The following SOX5 variants were observed in gnomAD, a reference collection of about 807,000 sequenced individuals.
SOX5 encodes the protein SRY-box transcription factor 5.
SOX5 carries 9 observed loss-of-function variants against 92.0 expected under a neutral mutation model. The observed-to-expected ratio is 0.10, with a 90% CI of 0.06 to 0.17. The LOEUF is 0.17. Ranked by LOEUF, SOX5 falls within the 10% of genes least tolerant of loss-of-function variation. SOX5 has a pLI of 1.00. For synonymous variants in SOX5, 344 were observed against 336.3 expected (o/e 1.02, Z -0.25); for missense variants, 642 against 944.5 (o/e 0.68, Z 4.20).
At chr12:24,322,558 A>T (rs545489125) in intron 2 of SOX5, among the ~76,000 whole-genome samples, 1 of 152,202 alleles carries the variant, frequency 6.6e-6, no homozygotes, top group East Asian at 1.9e-4. Context: ...GCTGACCTAA[A>T]TTTTCTTTCC....
intron 2 of SOX5, among the ~76,000 whole-genome samples, chr12:24,312,584 T>C (rs1377956498): frequency 6.6e-6 from 1 of 152,208 alleles, no homozygotes; most frequent in Non-Finnish European, 1.5e-5. Context: ...GCTTGGCACA[T>C]AGTAGTTGCT....
intron 1 of SOX5, among the ~76,000 whole-genome samples, chr12:24,453,748 A>C (rs1942643596): frequency 6.6e-6 from 1 of 152,218 alleles, no homozygotes; most frequent in South Asian, 2.1e-4. Flanking sequence ...CAATTAAAGG[A>C]AACTAACTGG....
At chr12:24,436,410 T>TA (rs373585079) in intron 1 of SOX5, among the ~76,000 whole-genome samples, 6 of 152,002 alleles carry the variant, frequency 3.9e-5, no homozygotes, top group East Asian at 3.9e-4. Flanking sequence ...GTGGTCCGGA[T>TA]AAAAAAAATC....
intron 3 of SOX5, among the ~76,000 whole-genome samples, chr12:23,797,968 G>A (rs1295504340): frequency 6.6e-6 from 1 of 151,708 alleles, no homozygotes; most frequent in East Asian, 1.9e-4. Context: ...CTCTTAACTG[G>A]AATGATCGTC....
intron 4 of SOX5, among the ~76,000 whole-genome samples, chr12:23,982,115 A>C (rs1949629236): frequency 1.3e-5 from 2 of 152,208 alleles, no homozygotes; most frequent in Non-Finnish European, 2.9e-5. Flanking sequence ...ACGAACGAAC[A>C]TTTGAACCTG....
At chr12:23,743,908 T>C (rs1019651388) in intron 4 of SOX5, among the ~76,000 whole-genome samples, 7 of 152,254 alleles carry the variant, frequency 4.6e-5, no homozygotes, top group Non-Finnish European at 8.8e-5. Context: ...TTAACAAATA[T>C]CATTTTGTCA....
intron 3 of SOX5, among the ~76,000 whole-genome samples, chr12:23,758,287 T>C (rs2141277583): frequency 6.6e-6 from 1 of 152,032 alleles, no homozygotes; most frequent in Non-Finnish European, 1.5e-5. Context: ...AACATCCATG[T>C]TACGGGTTTA....
At chr12:23,991,508 A>C (rs1237090760) in intron 4 of SOX5, among the ~76,000 whole-genome samples, 2 of 151,956 alleles carry the variant, frequency 1.3e-5, no homozygotes, top group African/African-American at 4.8e-5. Flanking sequence ...ATTACCAAAA[A>C]TTTTAAAATA....
intron 4 of SOX5, among the ~76,000 whole-genome samples, chr12:23,742,675 C>T (rs971483543): frequency 4.6e-5 from 7 of 152,132 alleles, no homozygotes; most frequent in Non-Finnish European, 5.9e-5. Flanking sequence ...GCATAACCTA[C>T]GAAGGATAAT....
intron 11 of SOX5, among the ~76,000 whole-genome samples, chr12:23,557,728 C>A (rs1002123094): frequency 6.6e-6 from 1 of 152,116 alleles, no homozygotes; most frequent in African/African-American, 2.4e-5. Flanking sequence ...GTCATCCCAG[C>A]GCTTTGGGAG....
intron 4 of SOX5, among the ~76,000 whole-genome samples, chr12:24,184,013 C>T (rs1955776576): frequency 6.6e-6 from 1 of 152,138 alleles, no homozygotes. Context: ...TATATAATTT[C>T]ATGCTATCTG....
chr12:24,154,459 G>A (rs567332651), intron 4 of SOX5, among the ~76,000 whole-genome samples: 3 of 152,248 alleles, frequency 2.0e-5, no homozygotes, highest in Non-Finnish European at 4.4e-5. Flanking sequence ...CTTCCTCATT[G>A]CTATATGGAA....
intron 4 of SOX5, among the ~76,000 whole-genome samples, chr12:24,008,941 G>A (rs1416794869): frequency 1.3e-5 from 2 of 152,168 alleles, no homozygotes; most frequent in Non-Finnish European, 2.9e-5. Flanking sequence ...AATACATCTT[G>A]CAGCTTTTAC....
chr12:23,738,473 C>T (rs575362266), intron 5 of SOX5: 24 of 152,270 alleles, frequency 1.6e-4, no homozygotes, highest in African/African-American at 5.5e-4. Context: ...TTCTCTCAGG[C>T]TGTGGAGGCA....
At chr12:24,221,431 T>G (rs545792989) in intron 3 of SOX5, among the ~76,000 whole-genome samples, 2 of 152,366 alleles carry the variant, frequency 1.3e-5, no homozygotes, top group African/African-American at 4.8e-5. Flanking sequence ...AAATACTTAG[T>G]AGATGAATAA....
At position 23,900,888 on chromosome 12, in the gene SOX5, A is replaced by T. The variant is rs146929293; in HGVS notation, c.39-4864T>A. 3.1e-3 allele frequency among the ~76,000 whole-genome samples: 471 copies of T among 152,232 alleles called. 2 individuals are homozygous for T. Among genetic ancestry groups the T allele is most frequent in the Non-Finnish European group, 5.4e-3 (369 of 68,012 alleles). On this transcript the variant is annotated intron_variant, in intron 1 of 14. Transcript: ENST00000451604. The stretch of plus-strand genomic sequence containing the variant: ...GGCAGGGGAATCACTTGAACCTGGG[A>T]AGCGGAGGTTGCAGTGAGCTGAGAT...
At chr12:24,277,164 T>C (rs1049166324) in intron 3 of SOX5, 13 of 151,824 alleles carry the variant, frequency 8.6e-5, no homozygotes, top group African/African-American at 2.9e-4. Flanking sequence ...TTTTGTGAAA[T>C]AGAATAGTTA....
rs1946607302 is a variant in SOX5, at chr12:23,959,139, C to T, written c.-1-63115G>A. Among the ~76,000 whole-genome samples the T allele has an allele frequency of 2.0e-5, 3 of 151,770 alleles. No individual in the cohort carries two copies. The South Asian group carries it at 6.3e-4, about 32-fold the overall frequency. On this transcript the variant is annotated intron_variant, in intron 4 of 4. Coordinates refer to the SOX5 transcript ENST00000446891. The stretch of plus-strand genomic sequence containing the variant: ...ATGTAATGAGTTCAAAATTAAAATA[C>T]TATCATATTTAAAGCACTAAATAAA...
intron 4 of SOX5, among the ~76,000 whole-genome samples, chr12:24,046,510 A>T (rs1957041306): frequency 6.6e-6 from 1 of 152,186 alleles, no homozygotes; most frequent in Non-Finnish European, 1.5e-5. Context: ...AATTGACATC[A>T]TTATCAGAAT....
Sources: allele counts gnomAD v4.1 joint callset (sites outside exome capture counted in the v4.1 genomes callset), GRCh38; gene constraint gnomAD v4.1.1; transcripts MANE v1.5; gene names NCBI Gene and HGNC (gene_info 2026-07-23, HGNC 2026-07-21).